SIM1: variants seen among roughly 807,000 people sequenced by gnomAD.
The protein encoded by SIM1 is SIM bHLH transcription factor 1, also known as single-minded homolog 1.
In SIM1, 18 loss-of-function variants were observed where a neutral mutation model predicts 78.2. That is an observed-to-expected ratio of 0.23 (90% CI 0.16 to 0.34). The LOEUF (loss-of-function observed/expected upper bound fraction) is 0.34. Ranked by LOEUF, SIM1 falls within the 10% of genes least tolerant of loss-of-function variation. SIM1 has a pLI of 1.00. For missense variants in SIM1, 939 were observed against 975.1 expected (o/e 0.96, Z 0.49); for synonymous variants, 417 against 385.2 (o/e 1.08, Z -0.97).
chr6:100,431,505 T>G (rs147207096), intron 9 of SIM1, among the ~76,000 whole-genome samples: 6 of 152,350 alleles, frequency 3.9e-5, no homozygotes, highest in Admixed American at 6.5e-5. Context: ...ATTAGTAGTA[T>G]TATTCTGTGC....
chr6:100,453,463 C>A (rs144798794), intron 3 of SIM1, among the ~76,000 whole-genome samples: 40 of 152,236 alleles, frequency 2.6e-4, no homozygotes, highest in African/African-American at 9.4e-4. Context: ...CCAATGGAGA[C>A]AAATGGTGCC....
At chr6:100,391,521 T>A (rs1485891292) in intron 11 of SIM1, among the ~76,000 whole-genome samples, 1 of 152,228 alleles carries the variant, frequency 6.6e-6, no homozygotes, top group Non-Finnish European at 1.5e-5. Flanking sequence ...ATGTTTTTGA[T>A]TGGATTTGAG....
Position 100,389,468 on chromosome 6 carries a change from G to C in SIM1, c.*893C>G, listed in dbSNP as rs1397415963. ...TTGGTTTGAATTTTTTATTTAGTTG[G>C]TTTTACAAGCAAACCCCAAATATGT... On this transcript the variant is annotated 3_prime_UTR_variant, in exon 12 of 12. Coordinates refer to ENST00000369208, the MANE Select transcript of SIM1 (RefSeq NM_005068.3). 1 of 396,238 alleles carries C rather than the reference G, an allele frequency of 2.5e-6. No individual in the cohort carries two copies. Among genetic ancestry groups the C allele is most frequent in the Non-Finnish European group, 4.4e-6 (1 of 225,060 alleles). 24.5% of individuals were successfully genotyped at this position (396,238 alleles called of 1,614,324 possible). A position where few individuals can be genotyped will look rare whatever the true frequency, so the allele number is the denominator to read the frequency against.
chr6:100,404,566 C>T (rs1341656978), intron 10 of SIM1, among the ~76,000 whole-genome samples: 1 of 151,676 alleles, frequency 6.6e-6, no homozygotes, highest in Admixed American at 6.6e-5. Context: ...ACTAATGTAA[C>T]CCTGAAACAT....
At chr6:100,399,355 A>G (rs1247647569) in intron 10 of SIM1, among the ~76,000 whole-genome samples, 4 of 152,132 alleles carry the variant, frequency 2.6e-5, no homozygotes, top group Non-Finnish European at 5.9e-5. Context: ...CCAAAAGGCT[A>G]TATGATTCCA....
Position 100,393,769 on chromosome 6 carries a change from G to T in SIM1, c.1288C>A (p.His430Asn). ...TGTCTGTAGGCGCACGATGCGTCGT[G>T]CTGGGAGCCAGGCCTATCGGCGGGG... ...LDPADRPGSQ[H>N]DASCAYRQFS... Residue 430 changes from histidine (H) to asparagine (N), a missense_variant, in exon 11 of 12, where the codon CAC becomes AAC. By Grantham distance (68) the His-to-Asn change is moderately conservative. This residue lies in a region of SIM1 where 556 missense variants were observed against 521.9 expected (regional missense o/e 1.07). Coordinates refer to ENST00000369208, the MANE Select transcript of SIM1 (RefSeq NM_005068.3). 1 of 1,614,188 alleles carries T rather than the reference G, an allele frequency of 6.2e-7. No homozygotes were observed. The highest frequency in any genetic ancestry group is 8.5e-7 in the Non-Finnish European group (1 of 1,180,014).
chr6:100,448,350 C>T, intron 7 of SIM1, 98 bp from the exon 8 acceptor site: 1 of 1,370,076 alleles, frequency 7.3e-7, no homozygotes, highest in Non-Finnish European at 1.0e-6. Flanking sequence ...GCTGTCCGCC[C>T]TCACTTTCCA....
chr6:100,454,574 C>A (rs1029276161), intron 2 of SIM1, among the ~76,000 whole-genome samples: 6 of 152,036 alleles, frequency 3.9e-5, no homozygotes, highest in Admixed American at 2.6e-4. Context: ...TGGGTGCTAA[C>A]AATCTTTTTG....
chr6:100,450,879 T>G (rs552323783), intron 3 of SIM1, among the ~76,000 whole-genome samples: 1 of 152,228 alleles, frequency 6.6e-6, no homozygotes, highest in East Asian at 1.9e-4. Context: ...AGCTGGCCAG[T>G]GACTCTGGAA....
At chr6:100,404,128 G>A (rs1770995816) in intron 10 of SIM1, among the ~76,000 whole-genome samples, 1 of 152,190 alleles carries the variant, frequency 6.6e-6, no homozygotes, top group South Asian at 2.1e-4. Flanking sequence ...CCTTAGGTAT[G>A]TCCTCTAATC....
chr6:100,409,055 G>A (rs1771126388), intron 10 of SIM1, among the ~76,000 whole-genome samples: 2 of 151,890 alleles, frequency 1.3e-5, no homozygotes, highest in South Asian at 4.2e-4. Flanking sequence ...TGTTTGGGAG[G>A]GTTTTGATGA....
At chr6:100,441,323 C>A (rs1236710445) in intron 9 of SIM1, among the ~76,000 whole-genome samples, 1 of 152,138 alleles carries the variant, frequency 6.6e-6, no homozygotes, top group Non-Finnish European at 1.5e-5. Flanking sequence ...CTATCCCAGG[C>A]CTCTGAATAG....
intron 9 of SIM1, among the ~76,000 whole-genome samples, chr6:100,443,793 GA>G (rs1003359908): frequency 7.2e-5 from 11 of 151,742 alleles, no homozygotes; most frequent in East Asian, 1.9e-4. Context: ...GATTTAGCAG[GA>G]AAAAAAATAC....
Position 100,449,368 on chromosome 6 carries a change from A to T in SIM1, c.538T>A (p.Tyr180Asn). 1.9e-6 allele frequency: 3 copies of T among 1,613,254 alleles called. No homozygotes were observed. The highest frequency in any genetic ancestry group is 2.5e-6 in the Non-Finnish European group (3 of 1,179,460). Residue 180 changes from tyrosine to asparagine, a missense_variant, in exon 6 of 12, where the codon TAC becomes AAC. Physicochemically the swap from Tyr to Asn is moderately radical, Grantham distance 143. Coordinates refer to ENST00000369208, the MANE Select transcript of SIM1 (RefSeq NM_005068.3). ...CGGATCTTCCAGCTACGCACCTTGT[A>T]GCCGCCACAGGTGAGGCCGGCGTTA... ...KRNAGLTCGGYKVIHCSGYLK... is the reference protein window; with the variant it reads ...KRNAGLTCGGNKVIHCSGYLK...
chr6:100,463,735 A>G lies in SIM1; in HGVS notation c.-267T>C, dbSNP rs2114562894. The G allele has an allele frequency of 2.9e-6, 1 of 339,568 alleles. No individual in the cohort carries two copies. The allele number at this position is 339,568 out of a possible 1,614,324, so 21.0% of individuals were successfully genotyped here. The stretch of plus-strand genomic sequence containing the variant: ...TTTGGGCGATCCACCGAATTTGGGC[A>G]ATCCTGAGGGTCGTTCAGGGTATCA... On this transcript the variant is annotated 5_prime_UTR_variant, in exon 2 of 12. Transcript: ENST00000369208.
chr6:100,396,125 C>T lies in SIM1; in HGVS notation c.1168-2236G>A, dbSNP rs185789031. 829 of 977,490 alleles carry T rather than the reference C, an allele frequency of 8.5e-4. 8 individuals carry two copies. The African/African-American group carries it at 0.014, about 16-fold the overall frequency. 60.6% of individuals were successfully genotyped at this position (977,490 alleles called of 1,614,324 possible). ...CCCAGACTCTCTTTTCACAAGATAT[C>T]GCCTTCACTTTCACCAAAGCAGGGC... On this transcript the variant is annotated intron_variant, in intron 10 of 11. Coordinates refer to ENST00000369208, the MANE Select transcript of SIM1 (RefSeq NM_005068.3).
Position 100,386,451 on chromosome 6 carries a change from T to C in SIM1, c.*3910A>G, listed in dbSNP as rs1770516566. The stretch of plus-strand genomic sequence containing the variant: ...AATGTGTATTCAGAAGATTTCTTTA[T>C]CTGTGCTGCCATCCATCAAACTTAC... On this transcript the variant is annotated 3_prime_UTR_variant, in exon 12 of 12. Transcript: ENST00000369208. 1 of 152,072 alleles carries C rather than the reference T, an allele frequency of 6.6e-6. No homozygotes were observed. Among genetic ancestry groups the C allele is most frequent in the Non-Finnish European group, 1.5e-5 (1 of 67,934 alleles). The allele number at this position is 152,072 out of a possible 1,614,324, so 9.4% of individuals were successfully genotyped here.
At chr6:100,425,394 A>G (rs1227094080) in intron 9 of SIM1, among the ~76,000 whole-genome samples, 1 of 152,186 alleles carries the variant, frequency 6.6e-6, no homozygotes, top group Admixed American at 6.5e-5. Flanking sequence ...TTTTTAAGGT[A>G]AATTCTTTAT....
intron 2 of SIM1, among the ~76,000 whole-genome samples, chr6:100,460,635 G>A (rs1206020987): frequency 6.6e-6 from 1 of 151,994 alleles, no homozygotes; most frequent in South Asian, 2.1e-4. Flanking sequence ...TCCATTTAAC[G>A]CCACTAGAAA....
Sources: allele counts gnomAD v4.1 joint callset (sites outside exome capture counted in the v4.1 genomes callset), GRCh38; gene constraint gnomAD v4.1.1; regional missense constraint gnomAD v4.1.1; transcripts MANE v1.5; gene names NCBI Gene and HGNC (gene_info 2026-07-23, HGNC 2026-07-21).